The following RNGTT variants were observed in gnomAD, a reference collection of about 807,000 sequenced individuals.
RNGTT encodes mRNA-capping enzyme.
RNGTT carries 33 observed loss-of-function variants against 79.3 expected under a neutral mutation model. The ratio of observed to expected loss-of-function variants is 0.42; its 90% CI spans 0.32 to 0.56. RNGTT has a LOEUF of 0.56. Ranked by LOEUF, RNGTT falls within the 20% of genes least tolerant of loss-of-function variation. RNGTT has a pLI of 0.17. For missense variants in RNGTT, 497 were observed against 739.1 expected, an observed-to-expected ratio of 0.67 and a Z score of 3.80; for synonymous variants, 222 against 235.9, an observed-to-expected ratio of 0.94 and a Z score of 0.54.
At chr6:88,839,711 A>T (rs1443292339) in intron 11 of RNGTT, among the ~76,000 whole-genome samples, 1 of 152,216 alleles carries the variant, frequency 6.6e-6, no homozygotes, top group Admixed American at 6.5e-5. Context: ...ATGGATGGGG[A>T]GCTTTCAGAG....
In RNGTT at chr6:88,611,274, G is replaced by A. The variant is rs774176727; in HGVS notation, c.*1445C>T. 5 of 152,576 alleles carry A rather than the reference G, an allele frequency of 3.3e-5. No individual in the cohort carries two copies. The highest frequency in any genetic ancestry group is 7.2e-5 in the African/African-American group (3 of 41,428). The allele number at this position is 152,576 out of a possible 1,614,324, so 9.5% of individuals were successfully genotyped here. On this transcript the variant is annotated 3_prime_UTR_variant, in exon 16 of 16. Transcript: ENST00000369485. ...TGTGCTATGTCCATATAGAAATCCC[G>A]TCAGATATTCAGTCTACCGGGTAAT...
At chr6:88,665,030 C>A (rs980055460) in intron 14 of RNGTT, among the ~76,000 whole-genome samples, 2 of 152,152 alleles carry the variant, frequency 1.3e-5, no homozygotes, top group African/African-American at 4.8e-5. Context: ...CCCTGACTGC[C>A]CCTTGCCTTT....
At chr6:88,904,590 G>C (rs1783586041) in intron 6 of RNGTT, 125 bp downstream of exon 6, 1 of 1,173,834 alleles carries the variant, frequency 8.5e-7, no homozygotes, top group Non-Finnish European at 1.2e-6. Flanking sequence ...TTTTTAGAAA[G>C]GGCTAGGATG....
intron 8 of RNGTT, among the ~76,000 whole-genome samples, chr6:88,868,400 T>C (rs1398462302): frequency 6.6e-6 from 1 of 152,202 alleles, no homozygotes; most frequent in African/African-American, 2.4e-5. Context: ...CAGCCACCAG[T>C]GTAACAATTT....
intron 12 of RNGTT, among the ~76,000 whole-genome samples, chr6:88,787,035 G>A (rs1415095204): frequency 6.6e-6 from 1 of 152,158 alleles, no homozygotes; most frequent in Non-Finnish European, 1.5e-5. Flanking sequence ...GGACTTCCCA[G>A]CTTCTAGAAC....
chr6:88,922,506 T>C (rs533027726), intron 4 of RNGTT, among the ~76,000 whole-genome samples: 13 of 152,226 alleles, frequency 8.5e-5, no homozygotes, highest in Non-Finnish European at 8.8e-5. Flanking sequence ...AGTTTGTTTT[T>C]AGATTTCCTC....
At chr6:88,782,745 A>G (rs1779105726) in intron 12 of RNGTT, among the ~76,000 whole-genome samples, 1 of 152,122 alleles carries the variant, frequency 6.6e-6, no homozygotes. Flanking sequence ...CTGAATAGAC[A>G]CTTCTCAAAA....
chr6:88,837,413 C>CA (rs1781117929), intron 11 of RNGTT, among the ~76,000 whole-genome samples: 1 of 151,042 alleles, frequency 6.6e-6, no homozygotes, highest in African/African-American at 2.4e-5. Context: ...ACAACAACAA[C>CA]AAAAAAAAGC....
intron 13 of RNGTT, among the ~76,000 whole-genome samples, chr6:88,723,713 A>AATGT (rs1217797299): frequency 6.6e-6 from 1 of 152,134 alleles, no homozygotes; most frequent in Non-Finnish European, 1.5e-5. Flanking sequence ...ACAGTTCTAC[A>AATGT]ATGTGTTTGG....
intron 13 of RNGTT, among the ~76,000 whole-genome samples, chr6:88,687,900 C>T (rs1430977882): frequency 2.6e-5 from 4 of 152,038 alleles, no homozygotes; most frequent in Admixed American, 6.6e-5. Context: ...TCTTTTTATA[C>T]AGTTAGGACT....
intron 13 of RNGTT, among the ~76,000 whole-genome samples, chr6:88,750,884 C>G (rs532695855): frequency 6.6e-6 from 1 of 152,220 alleles, no homozygotes; most frequent in East Asian, 1.9e-4. Flanking sequence ...ATAAAATTGT[C>G]TAGGCTCCTT....
chr6:88,791,576 G>A (rs1382859118), intron 12 of RNGTT, among the ~76,000 whole-genome samples: 1 of 151,948 alleles, frequency 6.6e-6, no homozygotes, highest in Non-Finnish European at 1.5e-5. Flanking sequence ...GTCTGGCTCT[G>A]ACGCCCAGGC....
intron 13 of RNGTT, among the ~76,000 whole-genome samples, chr6:88,697,319 C>T (rs569123834): frequency 1.5e-3 from 231 of 150,934 alleles, no homozygotes; most frequent in Non-Finnish European, 3.0e-3. Flanking sequence ...TGGGAGGCCG[C>T]GGTGGGTGGA....
rs79263704 is a variant in RNGTT, at chr6:88,618,968, A to G, written c.1507-4573T>C. Reference sequence around the variant, plus strand: ...AAGAAAGATTTGTCCCTTCTCCCCTATTTATTCATTTAATTGCTTATCTGT... The same window carrying G: ...AAGAAAGATTTGTCCCTTCTCCCCTGTTTATTCATTTAATTGCTTATCTGT... On this transcript the variant is annotated intron_variant, in intron 14 of 15. Transcript: ENST00000369485. Among the ~76,000 whole-genome samples the G allele has an allele frequency of 1.4e-4, 21 of 152,060 alleles. No individual in the cohort carries two copies. In the East Asian group the frequency reaches 4.1e-3, roughly 29 times the overall value.
chr6:88,925,218 C>T lies in RNGTT; in HGVS notation c.367+3767G>A, dbSNP rs1267556301. On this transcript the variant is annotated intron_variant, in intron 4 of 15. Coordinates refer to ENST00000369485, the MANE Select transcript of RNGTT (RefSeq NM_003800.5). ...TACTTATTAGATGCATGACCATGGG[C>T]GAAGTACTTAACTTCTCTGAGACTC... 2.0e-5 allele frequency among the ~76,000 whole-genome samples: 3 copies of T among 152,016 alleles called. No homozygotes were observed. In the South Asian group the frequency reaches 6.2e-4, roughly 32 times the overall value.
intron 11 of RNGTT, among the ~76,000 whole-genome samples, chr6:88,825,243 T>G (rs1343591122): frequency 6.6e-6 from 1 of 152,246 alleles, no homozygotes; most frequent in African/African-American, 2.4e-5. Context: ...ATTTGCCATC[T>G]GTTGGTTAGA....
rs184493113 is a variant in RNGTT at position 88,650,531 on chromosome 6, G to A, written c.1506+27822C>T. Among the ~76,000 whole-genome samples, 289 of 151,906 alleles carry A rather than the reference G, an allele frequency of 1.9e-3. 4 individuals are homozygous for A. The highest frequency in any genetic ancestry group is 6.8e-3 in the African/African-American group (283 of 41,376). On this transcript the variant is annotated intron_variant, in intron 14 of 15. Transcript: ENST00000369485. ...TTAATTCCAGCTATGCTCACACAAG[G>A]CATACTCAACTTTGGGCAAAAAAAT...
intron 13 of RNGTT, among the ~76,000 whole-genome samples, chr6:88,744,011 A>T (rs1457131268): frequency 6.6e-6 from 1 of 152,062 alleles, no homozygotes; most frequent in Non-Finnish European, 1.5e-5. Context: ...TTTTGTTGGT[A>T]CTCTTCACCT....
chr6:88,734,921 G>A (rs746017971), intron 13 of RNGTT, among the ~76,000 whole-genome samples: 2 of 152,166 alleles, frequency 1.3e-5, no homozygotes, highest in Non-Finnish European at 2.9e-5. Context: ...AGGCTAAGCT[G>A]TGGTGGTTAC....
Sources: gnomAD v4.1 joint callset for allele counts (sites outside exome capture counted in the v4.1 genomes callset) on GRCh38, gnomAD v4.1.1 for gene constraint, MANE v1.5 for transcripts, NCBI Gene and HGNC (gene_info 2026-07-23, HGNC 2026-07-21) for gene names.